ANO3: variants seen among roughly 807,000 people sequenced by gnomAD.
ANO3 encodes anoctamin-3.
ANO3 carries 99 observed loss-of-function variants against 144.8 expected under a neutral mutation model. The observed-to-expected ratio is 0.68, with a 90% CI of 0.58 to 0.81. The LOEUF is 0.81. Ranked by LOEUF, ANO3 falls within the 30% of genes least tolerant of loss-of-function variation. ANO3 has a pLI of 0.00. For synonymous variants in ANO3, 414 were observed against 392.6 expected, an observed-to-expected ratio of 1.05 and a Z score of -0.64; for missense variants, 905 against 1,202.2, an observed-to-expected ratio of 0.75 and a Z score of 3.66.
chr11:26,567,842 G>T (rs1375267827), intron 14 of ANO3, among the ~76,000 whole-genome samples: 1 of 151,978 alleles, frequency 6.6e-6, no homozygotes, highest in Non-Finnish European at 1.5e-5. Flanking sequence ...GGCTAGAGCT[G>T]TATGCAACGA....
chr11:26,659,503 A>T (rs1853811368), intron 26 of ANO3, among the ~76,000 whole-genome samples: 1 of 151,956 alleles, frequency 6.6e-6, no homozygotes, highest in Non-Finnish European at 1.5e-5. Flanking sequence ...AGGCCAGTCT[A>T]GGCAATGTGG....
Position 26,538,314 on chromosome 11 carries a change from G to A in ANO3, c.1032+853G>A, listed in dbSNP as rs528705322. ...TATCAAAGGCGCAGTTTTGAGCACC[G>A]GAAGCCAATCTCCAATGTTTATATT... On this transcript the variant is annotated intron_variant, in intron 10 of 26. Transcript: ENST00000256737. 1.7e-3 allele frequency among the ~76,000 whole-genome samples: 252 copies of A among 152,216 alleles called. 1 individual carries two copies. The highest frequency in any genetic ancestry group is 3.4e-3 in the Middle Eastern group (1 of 294).
chr11:26,361,204 A>G lies in ANO3; in HGVS notation c.46+28883A>G, dbSNP rs115681146. Among the ~76,000 whole-genome samples the G allele has an allele frequency of 2.8e-3, 432 of 152,256 alleles. 1 individual carries two copies. Among genetic ancestry groups the G allele is most frequent in the African/African-American group, 9.9e-3 (410 of 41,544 alleles). On this transcript the variant is annotated intron_variant, in intron 1 of 26. Coordinates refer to ENST00000256737, the MANE Select transcript of ANO3 (RefSeq NM_031418.4). ...CACAGATTCTTAATAAGTATTTGTT[A>G]AGAATTCCGGTGCCTTGAGGAAAGA...
At chr11:26,453,712 C>A (rs192595002) in intron 3 of ANO3, among the ~76,000 whole-genome samples, 1 of 152,040 alleles carries the variant, frequency 6.6e-6, no homozygotes, top group Non-Finnish European at 1.5e-5. Context: ...ATTGAACTCA[C>A]CTCTGCACCA....
intron 17 of ANO3, among the ~76,000 whole-genome samples, chr11:26,609,518 T>C (rs1332691203): frequency 6.6e-6 from 1 of 151,772 alleles, no homozygotes. Context: ...GTGCAGGATA[T>C]CACATGCAGG....
intron 13 of ANO3, 70 bp from the exon 14 acceptor site, chr11:26,559,649 T>A (rs1850202937): frequency 9.4e-7 from 1 of 1,060,576 alleles, no homozygotes; most frequent in Non-Finnish European, 1.5e-6. Flanking sequence ...AGTACCTGAG[T>A]GCAAACAGTA....
intron 5 of ANO3, among the ~76,000 whole-genome samples, chr11:26,515,088 C>T (rs187414370): frequency 5.0e-4 from 76 of 152,040 alleles, no homozygotes; most frequent in African/African-American, 1.6e-3. Context: ...AATTCAAAGA[C>T]CTATAGATAT....
intron 4 of ANO3, among the ~76,000 whole-genome samples, chr11:26,503,010 A>G (rs1861263671): frequency 6.6e-6 from 1 of 152,198 alleles, no homozygotes; most frequent in Non-Finnish European, 1.5e-5. Flanking sequence ...CCTACTCAAC[A>G]TAAGCCATAA....
At chr11:26,199,366 G>C (rs1010311821) in intron 1 of ANO3, among the ~76,000 whole-genome samples, 1 of 152,048 alleles carries the variant, frequency 6.6e-6, no homozygotes, top group Non-Finnish European at 1.5e-5. Context: ...AGGGGGAGGA[G>C]GAGCTGCTTA....
At chr11:26,248,912 T>C (rs200205976) in intron 1 of ANO3, among the ~76,000 whole-genome samples, 2 of 152,124 alleles carry the variant, frequency 1.3e-5, no homozygotes, top group African/African-American at 4.8e-5. Context: ...TCGAACCCTA[T>C]TGTGAACTGC....
At chr11:26,491,772 C>T (rs892019029) in intron 4 of ANO3, among the ~76,000 whole-genome samples, 1 of 152,120 alleles carries the variant, frequency 6.6e-6, no homozygotes, top group Non-Finnish European at 1.5e-5. Context: ...ACATAGTCCC[C>T]ACTTCCATGC....
intron 1 of ANO3, among the ~76,000 whole-genome samples, chr11:26,302,231 T>C (rs957173940): frequency 1.3e-5 from 2 of 152,204 alleles, no homozygotes; most frequent in Non-Finnish European, 2.9e-5. Context: ...GTGCGGTGGC[T>C]CACGACTGTA....
chr11:26,277,470 G>A (rs1402002277), intron 1 of ANO3, among the ~76,000 whole-genome samples: 1 of 152,022 alleles, frequency 6.6e-6, no homozygotes, highest in Non-Finnish European at 1.5e-5. Flanking sequence ...ATGGCAATAA[G>A]TTAATGTATA....
intron 11 of ANO3, among the ~76,000 whole-genome samples, chr11:26,543,161 A>G (rs918722239): frequency 2.6e-5 from 4 of 152,116 alleles, no homozygotes; most frequent in African/African-American, 9.7e-5. Flanking sequence ...TACCATAAAA[A>G]GGATGGGTCA....
chr11:26,618,825 G>T (rs1852333437), intron 17 of ANO3, among the ~76,000 whole-genome samples: 1 of 151,974 alleles, frequency 6.6e-6, no homozygotes, highest in African/African-American at 2.4e-5. Context: ...TTGTCTCCTT[G>T]GTGAATATCT....
chr11:26,354,156 G>T (rs990302792), intron 1 of ANO3, among the ~76,000 whole-genome samples: 1 of 152,140 alleles, frequency 6.6e-6, no homozygotes. Flanking sequence ...AGGAGGTATT[G>T]CTAAGACAAC....
At chr11:26,303,981 A>G (rs751225007) in intron 1 of ANO3, among the ~76,000 whole-genome samples, 4 of 152,036 alleles carry the variant, frequency 2.6e-5, no homozygotes, top group Non-Finnish European at 5.9e-5. Context: ...CCAAAGTGCT[A>G]GGATTACAGG....
At chr11:26,511,440 C>G (rs754252107) in intron 5 of ANO3, among the ~76,000 whole-genome samples, 4 of 152,166 alleles carry the variant, frequency 2.6e-5, no homozygotes, top group African/African-American at 4.8e-5. Context: ...TTTTTATACT[C>G]TTTCCACTTG....
intron 1 of ANO3, among the ~76,000 whole-genome samples, chr11:26,376,448 C>A (rs1486890595): frequency 6.6e-6 from 1 of 152,062 alleles, no homozygotes; most frequent in South Asian, 2.1e-4. Flanking sequence ...TAATTTTTCA[C>A]CCTTGTTCTG....
Sources: allele counts gnomAD v4.1 joint callset (sites outside exome capture counted in the v4.1 genomes callset), GRCh38; gene constraint gnomAD v4.1.1; transcripts MANE v1.5; gene names NCBI Gene and HGNC (gene_info 2026-07-23, HGNC 2026-07-21).